The following CCDC18 variants were observed in gnomAD, a reference collection of about 807,000 sequenced individuals.
CCDC18 encodes coiled-coil domain containing 18.
Under a neutral mutation model 196.0 loss-of-function variants are expected in CCDC18, and 157 were observed. The ratio of observed to expected loss-of-function variants is 0.80; its 90% confidence interval spans 0.70 to 0.91. The LOEUF is 0.91. Ranked by LOEUF, CCDC18 falls within the 40% of genes least tolerant of loss-of-function variation. The pLI, the probability that CCDC18 is intolerant of heterozygous loss-of-function variation, is 0.00. For synonymous variants in CCDC18, 482 were observed against 529.2 expected (o/e 0.91, Z 1.22); for missense variants, 1,465 against 1,611.6 (o/e 0.91, Z 1.56).
upstream of CCDC18, chr1:93,180,368 C>CGCGGCG: frequency 7.6e-7 from 1 of 1,315,898 alleles, no homozygotes; most frequent in Non-Finnish European, 1.0e-6. Context: ...AGGTGGCGGC[C>CGCGGCG]GCGGCGGCGG....
rs1183508552 is a variant in CCDC18 at position 93,226,430 on chromosome 1, TAAAG to T, written c.2276_2279del (p.Lys759ArgfsTer13). On this transcript the variant is annotated frameshift_variant, in exon 17 of 29. Transcript: ENST00000690025. LOFTEE classifies it high-confidence loss of function. ...AATAAGGAAAAGTTTGAAAAACAGT[TAAAG>T]AAGAAATCTGAAGAGGTAAATTAAC... 2.0e-6 allele frequency: 3 copies of T among 1,508,100 alleles called. No individual in the cohort carries two copies. Among genetic ancestry groups the T allele is most frequent in the African/African-American group, 1.4e-5 (1 of 72,500 alleles). 93.4% of individuals were successfully genotyped at this position (1,508,100 alleles called of 1,614,324 possible).
At chr1:93,216,464 G>T (rs186791051) in intron 12 of CCDC18, among the ~76,000 whole-genome samples, 172 bp from the exon 13 acceptor site, 79 of 152,234 alleles carry the variant, frequency 5.2e-4, no homozygotes, top group Admixed American at 8.5e-4. Flanking sequence ...TTATAATTAT[G>T]TGGGTTAAAA....
chr1:93,245,750 T>A (rs569819384), intron 21 of CCDC18, among the ~76,000 whole-genome samples: 1 of 152,238 alleles, frequency 6.6e-6, no homozygotes, highest in East Asian at 1.9e-4. Flanking sequence ...TGTAAAAGAC[T>A]TTGAAACACT....
chr1:93,226,533 A>G, intron 17 of CCDC18, 84 bp downstream of exon 17: 1 of 369,694 alleles, frequency 2.7e-6, no homozygotes. Context: ...AAATATATAT[A>G]TATATATATA....
intron 14 of CCDC18, among the ~76,000 whole-genome samples, chr1:93,219,624 A>G (rs572702425): frequency 1.3e-5 from 2 of 152,348 alleles, no homozygotes; most frequent in East Asian, 3.9e-4. Flanking sequence ...ATGAGATTTC[A>G]TCACGCTGCT....
chr1:93,239,501 T>C (rs1282823860), intron 20 of CCDC18, 28 bp downstream of exon 20: 20 of 1,583,068 alleles, frequency 1.3e-5, no homozygotes, highest in Non-Finnish European at 1.6e-5. Context: ...TGAGTATAGC[T>C]GCCTATGTAT....
Position 93,214,890 on chromosome 1 carries a change from A to G in CCDC18, c.1643A>G (p.His548Arg). 1 of 1,613,436 alleles carries G rather than the reference A, an allele frequency of 6.2e-7. No individual in the cohort carries two copies. Among genetic ancestry groups the G allele is most frequent in the South Asian group, 1.1e-5 (1 of 90,994 alleles). Residue 548 changes from histidine (H) to arginine (R), a missense_variant, in exon 12 of 29, where the codon CAC (histidine) becomes CGC (arginine). His to Arg is a conservative substitution (Grantham distance 29). Coordinates refer to ENST00000690025, the MANE Select transcript of CCDC18 (RefSeq NM_001378204.1). ...TCTGATTTGAAGGTTAACATGGCTC[A>G]CAGAACTAGTCAGTTTCAGCTGATT... The part of the protein sequence containing the change: ...ENSDLKVNMA[H>R]RTSQFQLIQE...
chr1:93,250,457 G>A (rs939085770), intron 23 of CCDC18, among the ~76,000 whole-genome samples: 1 of 151,474 alleles, frequency 6.6e-6, no homozygotes, highest in Non-Finnish European at 1.5e-5. Flanking sequence ...TTCTGTAAAT[G>A]TCAGTCACAA....
chr1:93,255,509 T>C (rs574830022), intron 24 of CCDC18, among the ~76,000 whole-genome samples: 1 of 152,230 alleles, frequency 6.6e-6, no homozygotes, highest in Non-Finnish European at 1.5e-5. Context: ...GTTGGCAGAA[T>C]CATTTGAGCC....
At chr1:93,249,533 G>C (rs1661954656) in intron 23 of CCDC18, among the ~76,000 whole-genome samples, 1 of 152,170 alleles carries the variant, frequency 6.6e-6, no homozygotes, top group East Asian at 1.9e-4. Flanking sequence ...TGTGGGAAAG[G>C]CAGTTCAAGA....
chr1:93,215,926 G>T (rs1656412150), intron 12 of CCDC18, among the ~76,000 whole-genome samples: 1 of 152,226 alleles, frequency 6.6e-6, no homozygotes, highest in Non-Finnish European at 1.5e-5. Flanking sequence ...GGATAAGGGT[G>T]CCTCATTAGG....
In CCDC18 at chr1:93,264,693, C is replaced by CT. The variant is rs772116005; in HGVS notation, c.3685-7dup. 6.4e-6 allele frequency: 10 copies of CT among 1,559,192 alleles called. No homozygotes were observed. In the African/African-American group the frequency reaches 1.4e-4, roughly 21 times the overall value. The stretch of plus-strand genomic sequence containing the variant: ...TTTTTTTTCTTTTCCAATTCTGGGG[C>CT]TATATAGATGATTTCACATCAAGAG... On this transcript the variant is annotated splice_region_variant and splice_polypyrimidine_tract_variant and intron_variant, in intron 26 of 28. Transcript: ENST00000690025.
intron 23 of CCDC18, among the ~76,000 whole-genome samples, chr1:93,250,409 A>G (rs1047080057): frequency 9.9e-5 from 15 of 151,814 alleles, no homozygotes; most frequent in Non-Finnish European, 2.1e-4. Context: ...AAAAGAGAGA[A>G]AAAAAAGAAT....
chr1:93,205,697 A>G, intron 8 of CCDC18, 66 bp downstream of exon 8: 3 of 1,381,064 alleles, frequency 2.2e-6, no homozygotes, highest in African/African-American at 1.5e-5. Flanking sequence ...ACACTTTAAA[A>G]CACAATATTT....
rs1653924307 is a variant in CCDC18, at chr1:93,202,050, T to C, written c.795+62T>C. On this transcript the variant is annotated intron_variant, in intron 7 of 28. Coordinates refer to ENST00000690025, the MANE Select transcript of CCDC18 (RefSeq NM_001378204.1). ...ACTGTCTATATTCCAACAGTAAAGG[T>C]AGGAATAATTAAAATATGTTTATGG... The C allele has an allele frequency of 1.1e-5, 10 of 891,748 alleles. No individual in the cohort carries two copies. In the South Asian group the frequency reaches 1.6e-4, roughly 14 times the overall value. 55.2% of individuals were successfully genotyped at this position (891,748 alleles called of 1,614,324 possible). A position where few individuals can be genotyped will look rare whatever the true frequency, so the allele number is the denominator to read the frequency against.
intron 10 of CCDC18, 21 bp downstream of exon 10, chr1:93,210,947 A>G (rs1163379745): frequency 6.2e-7 from 1 of 1,612,256 alleles, no homozygotes; most frequent in African/African-American, 1.3e-5. Flanking sequence ...CAGATTCTGC[A>G]GTTATAGCAA....
chr1:93,258,917 C>T, intron 26 of CCDC18, 32 bp downstream of exon 26: 1 of 1,564,512 alleles, frequency 6.4e-7, no homozygotes, highest in South Asian at 1.2e-5. Flanking sequence ...TTTGTTAGTG[C>T]CCACTAAAGT....
At position 93,250,393 on chromosome 1, in the gene CCDC18, A is replaced by G. The variant is rs942539649; in HGVS notation, c.3198+3439A>G. On this transcript the variant is annotated intron_variant, in intron 23 of 28. Transcript: ENST00000690025. ...GAGACCCTGTCAAAAAAAAAAAAAAAAAAAGAAAAGAGAGAAAAAAAAGAA... is the reference window on the plus strand; with the variant it reads ...GAGACCCTGTCAAAAAAAAAAAAAAGAAAAGAAAAGAGAGAAAAAAAAGAA... Among the ~76,000 whole-genome samples, 1,119 of 151,772 alleles carry G rather than the reference A, an allele frequency of 7.4e-3. 17 individuals are homozygous for G. Among genetic ancestry groups the G allele is most frequent in the Middle Eastern group, 0.027 (8 of 294 alleles).
intron 22 of CCDC18, 61 bp downstream of exon 22, chr1:93,246,265 T>G: frequency 1.7e-6 from 2 of 1,204,814 alleles, no homozygotes; most frequent in Non-Finnish European, 2.3e-6. Context: ...CACACAGGAT[T>G]TGAGAGGTCA....
Sources: gnomAD v4.1 joint callset for allele counts (sites outside exome capture counted in the v4.1 genomes callset) on GRCh38, gnomAD v4.1.1 for gene constraint, MANE v1.5 for transcripts, NCBI Gene and HGNC (gene_info 2026-07-23, HGNC 2026-07-21) for gene names.